The following ADAMTS17 variants were observed in gnomAD, a reference collection of about 807,000 sequenced individuals.
ADAMTS17 encodes ADAM metallopeptidase with thrombospondin type 1 motif 17.
In ADAMTS17, 113 loss-of-function variants were observed where a neutral mutation model predicts 141.5. The observed-to-expected ratio is 0.80, with a 90% CI of 0.69 to 0.93. The LOEUF is 0.93. Among genes scored for constraint, ADAMTS17 ranks in the 40% least tolerant of loss-of-function variants. The pLI is 0.00. For missense variants in ADAMTS17, 1,659 were observed against 1,517.9 expected (o/e 1.09, Z -1.54); for synonymous variants, 768 against 630.6 (o/e 1.22, Z -3.27).
intron 18 of ADAMTS17, among the ~76,000 whole-genome samples, chr15:100,039,354 C>T (rs1242117491): frequency 6.6e-6 from 1 of 152,068 alleles, no homozygotes; most frequent in Non-Finnish European, 1.5e-5. Flanking sequence ...TGAAATCTTT[C>T]TTCTTTTTCA....
chr15:100,047,813 T>C (rs193086522), intron 18 of ADAMTS17, among the ~76,000 whole-genome samples: 1 of 152,192 alleles, frequency 6.6e-6, no homozygotes, highest in Admixed American at 6.5e-5. Context: ...TATGACCTGA[T>C]GGACTGATCG....
chr15:100,142,282 G>C (rs2038693507), intron 10 of ADAMTS17, among the ~76,000 whole-genome samples: 1 of 152,190 alleles, frequency 6.6e-6, no homozygotes, highest in African/African-American at 2.4e-5. Flanking sequence ...AAATCTGCAG[G>C]ACGTGAGAAA....
At chr15:100,140,009 T>G (rs1185825506) in intron 10 of ADAMTS17, among the ~76,000 whole-genome samples, 1 of 152,180 alleles carries the variant, frequency 6.6e-6, no homozygotes, top group Non-Finnish European at 1.5e-5. Flanking sequence ...TTTATTTTTA[T>G]TTTTGAGATC....
chr15:100,268,003 A>G (rs996496691), intron 4 of ADAMTS17, among the ~76,000 whole-genome samples: 1 of 152,168 alleles, frequency 6.6e-6, no homozygotes, highest in African/African-American at 2.4e-5. Context: ...CTTTATATCC[A>G]CATGTACCCA....
At chr15:100,341,536 G>T (rs1334229097) in intron 1 of ADAMTS17, 127 bp from the exon 2 acceptor site, 18 of 911,604 alleles carry the variant, frequency 2.0e-5, no homozygotes, top group East Asian at 9.5e-5. Context: ...CCCTTCCCTC[G>T]CCCGGCACCT....
rs183096658 is a variant in ADAMTS17 at position 100,104,152 on chromosome 15, C to T, written c.2016+4837G>A. Among the ~76,000 whole-genome samples the T allele has an allele frequency of 1.2e-3, 177 of 152,316 alleles. 2 individuals carry two copies. The South Asian group carries it at 0.013, about 11-fold the overall frequency. On this transcript the variant is annotated intron_variant, in intron 14 of 21. Coordinates refer to ENST00000268070, the MANE Select transcript of ADAMTS17 (RefSeq NM_139057.4). ...GTCCATCATCCAATGGGCAAAGCCGCGCGTCAGCTGGACTCGCTCATTGCA... is the reference window on the plus strand; with the variant it reads ...GTCCATCATCCAATGGGCAAAGCCGTGCGTCAGCTGGACTCGCTCATTGCA...
At chr15:100,172,615 C>T (rs1283169344) in intron 8 of ADAMTS17, among the ~76,000 whole-genome samples, 2 of 152,186 alleles carry the variant, frequency 1.3e-5, no homozygotes, top group African/African-American at 4.8e-5. Flanking sequence ...ATCCTTCCCA[C>T]CAAACTATTC....
intron 18 of ADAMTS17, among the ~76,000 whole-genome samples, chr15:100,002,445 G>A (rs2060948265): frequency 6.6e-6 from 1 of 151,980 alleles, no homozygotes; most frequent in Non-Finnish European, 1.5e-5. Context: ...AGGTGCTCTA[G>A]TGGACGTGAG....
intron 3 of ADAMTS17, among the ~76,000 whole-genome samples, chr15:100,315,614 C>T (rs749876828): frequency 6.6e-6 from 1 of 152,104 alleles, no homozygotes; most frequent in African/African-American, 2.4e-5. Context: ...GGTGGGTGGA[C>T]CAATCCAGTC....
intron 20 of ADAMTS17, chr15:99,978,874 G>A (rs1341181204): frequency 1.3e-5 from 2 of 152,180 alleles, no homozygotes; most frequent in Non-Finnish European, 2.9e-5. Flanking sequence ...GCTTGCAGTG[G>A]GCATTCAGAA....
At chr15:100,237,416 C>G (rs922720779) in intron 7 of ADAMTS17, among the ~76,000 whole-genome samples, 11 of 148,538 alleles carry the variant, frequency 7.4e-5, no homozygotes, top group Admixed American at 7.4e-4. Flanking sequence ...GCAGCTCTGT[C>G]CTGGCACCCT....
At chr15:100,221,183 A>G (rs1396637861) in intron 7 of ADAMTS17, among the ~76,000 whole-genome samples, 1 of 152,184 alleles carries the variant, frequency 6.6e-6, no homozygotes, top group East Asian at 1.9e-4. Context: ...ATGCTCACAA[A>G]TCTTCTCAAT....
At chr15:100,183,729 T>C (rs2040606090) in intron 8 of ADAMTS17, among the ~76,000 whole-genome samples, 1 of 152,234 alleles carries the variant, frequency 6.6e-6, no homozygotes, top group Non-Finnish European at 1.5e-5. Flanking sequence ...TAGGAGTCTC[T>C]TGATCCTGTT....
At chr15:100,160,039 C>T (rs966719738) in intron 8 of ADAMTS17, among the ~76,000 whole-genome samples, 2 of 139,602 alleles carry the variant, frequency 1.4e-5, no homozygotes, top group African/African-American at 5.2e-5. Context: ...TCAGAAAACC[C>T]GTTTCTCCTG....
chr15:100,272,010 AAATTATTTG>A (rs375419779), intron 4 of ADAMTS17, among the ~76,000 whole-genome samples: 97 of 122,842 alleles, frequency 7.9e-4, no homozygotes, highest in Admixed American at 4.4e-3. Flanking sequence ...TCCTTACCAA[AAATTATTTG>A]ACCATATATA....
At chr15:100,232,481 G>C (rs1200844890) in intron 7 of ADAMTS17, among the ~76,000 whole-genome samples, 1 of 152,250 alleles carries the variant, frequency 6.6e-6, no homozygotes, top group East Asian at 1.9e-4. Context: ...GTCATGCAGA[G>C]AGGTGACACA....
In ADAMTS17 at chr15:100,145,332, T is replaced by A. The variant is rs377019943; in HGVS notation, c.1473+7280A>T. 2.7e-4 allele frequency among the ~76,000 whole-genome samples: 41 copies of A among 152,278 alleles called. 1 individual carries two copies. Among genetic ancestry groups the A allele is most frequent in the African/African-American group, 9.9e-4 (41 of 41,554 alleles). On this transcript the variant is annotated intron_variant, in intron 10 of 21. Coordinates refer to ENST00000268070, the MANE Select transcript of ADAMTS17 (RefSeq NM_139057.4). ...GGTTAAGAGAACAGAGTCCTCCAAA[T>A]TTTTAGACTTTTAATTGCTTCACCC...
intron 20 of ADAMTS17, among the ~76,000 whole-genome samples, chr15:99,984,378 C>T (rs1298128556): frequency 6.6e-6 from 1 of 152,184 alleles, no homozygotes; most frequent in Non-Finnish European, 1.5e-5. Flanking sequence ...CACGCCATGC[C>T]GCCATCACGT....
At chr15:99,986,163 G>A (rs576125263) in intron 20 of ADAMTS17, among the ~76,000 whole-genome samples, 1 of 152,328 alleles carries the variant, frequency 6.6e-6, no homozygotes, top group South Asian at 2.1e-4. Context: ...GTGGGGCAGG[G>A]GGGTTCAGGC....
Sources: gnomAD v4.1 joint callset for allele counts (sites outside exome capture counted in the v4.1 genomes callset) on GRCh38, gnomAD v4.1.1 for gene constraint, MANE v1.5 for transcripts, NCBI Gene and HGNC (gene_info 2026-07-23, HGNC 2026-07-21) for gene names.